The following BMPR2 variants were observed in gnomAD, a reference collection of about 807,000 sequenced individuals.
The protein encoded by BMPR2 is bone morphogenetic protein receptor type 2, also known as bone morphogenetic protein receptor type-2.
A neutral mutation model predicts 100.8 loss-of-function variants in BMPR2; 29 were observed. The ratio of observed to expected loss-of-function variants is 0.29; its 90% CI spans 0.21 to 0.39. The LOEUF is 0.39. BMPR2 is among the 10% of genes least tolerant of loss of function. The probability of loss-of-function intolerance (pLI) is 1.00; values close to 1 mark genes in which losing one functional copy is unlikely to be tolerated. For synonymous variants in BMPR2, 382 were observed against 442.3 expected, an observed-to-expected ratio of 0.86 and a Z score of 1.71; for missense variants, 1,011 against 1,274.5, an observed-to-expected ratio of 0.79 and a Z score of 3.15.
At chr2:202,464,245 G>C (rs1360591963) in intron 1 of BMPR2, among the ~76,000 whole-genome samples, 1 of 150,002 alleles carries the variant, frequency 6.7e-6, no homozygotes. Context: ...GAACAATTCA[G>C]TTATTTTTTT....
intron 1 of BMPR2, among the ~76,000 whole-genome samples, chr2:202,386,094 A>G (rs925823671): frequency 6.6e-6 from 1 of 151,942 alleles, no homozygotes; most frequent in Non-Finnish European, 1.5e-5. Context: ...TATGTCCCTG[A>G]TGGCTAAATG....
At chr2:202,418,492 C>T (rs1265092369) in intron 1 of BMPR2, among the ~76,000 whole-genome samples, 4 of 152,178 alleles carry the variant, frequency 2.6e-5, no homozygotes, top group African/African-American at 9.7e-5. Flanking sequence ...TGACACAGCC[C>T]TCAGGCAATC....
chr2:202,379,139 GC>G (rs1690218277), intron 1 of BMPR2, among the ~76,000 whole-genome samples: 1 of 152,022 alleles, frequency 6.6e-6, no homozygotes, highest in Non-Finnish European at 1.5e-5. Flanking sequence ...CTTTGGTATT[GC>G]ATAGCACCAG....
At chr2:202,478,729 G>A (rs1692598329) in intron 3 of BMPR2, among the ~76,000 whole-genome samples, 1 of 152,134 alleles carries the variant, frequency 6.6e-6, no homozygotes, top group Non-Finnish European at 1.5e-5. Flanking sequence ...GGGCAACATA[G>A]CAAAACCCCG....
At chr2:202,542,541 G>A (rs981196793) in intron 10 of BMPR2, 94 bp downstream of exon 10, 77 of 1,438,454 alleles carry the variant, frequency 5.4e-5, no homozygotes, top group Non-Finnish European at 7.0e-5. Flanking sequence ...AACGTTAATA[G>A]TTTTTGGAGT....
chr2:202,553,329 T>A (rs1688513447), intron 11 of BMPR2, among the ~76,000 whole-genome samples: 1 of 152,164 alleles, frequency 6.6e-6, no homozygotes, highest in Non-Finnish European at 1.5e-5. Flanking sequence ...TTTGTAGACT[T>A]CCTATCTAAT....
rs956213947 is a variant in BMPR2 at position 202,560,929 on chromosome 2, T to C, written c.*983T>C. 5.3e-5 allele frequency: 8 copies of C among 152,212 alleles called. No individual in the cohort carries two copies. Among genetic ancestry groups the C allele is most frequent in the African/African-American group, 1.7e-4 (7 of 41,464 alleles). The allele number at this position is 152,212 out of a possible 1,614,324, so 9.4% of individuals were successfully genotyped here. On this transcript the variant is annotated 3_prime_UTR_variant, in exon 13 of 13. Coordinates refer to ENST00000374580, the MANE Select transcript of BMPR2 (RefSeq NM_001204.7). ...TGGTAAGCTTATAGAGCTACACTTA[T>C]GGAATTTTTAAGTAGGTAAATAAAT...
At chr2:202,432,313 T>C (rs1259359085) in intron 1 of BMPR2, among the ~76,000 whole-genome samples, 1 of 150,842 alleles carries the variant, frequency 6.6e-6, no homozygotes, top group Non-Finnish European at 1.5e-5. Flanking sequence ...CAGGTAATGA[T>C]TTATTCCTTG....
intron 1 of BMPR2, among the ~76,000 whole-genome samples, chr2:202,412,167 T>G (rs1422220066): frequency 6.6e-6 from 1 of 152,200 alleles, no homozygotes; most frequent in Non-Finnish European, 1.5e-5. Context: ...AACACATGTA[T>G]TAGAGACACA....
chr2:202,465,197 G>A (rs1363836179), intron 2 of BMPR2, among the ~76,000 whole-genome samples: 2 of 151,978 alleles, frequency 1.3e-5, no homozygotes, highest in African/African-American at 4.8e-5. Flanking sequence ...ACCAGCCTGG[G>A]TAATAACATG....
chr2:202,402,771 A>G (rs749372289), intron 1 of BMPR2, among the ~76,000 whole-genome samples: 18 of 150,024 alleles, frequency 1.2e-4, no homozygotes, highest in Non-Finnish European at 2.1e-4. Flanking sequence ...GGTTCAAGCT[A>G]TTCTTATGCC....
intron 3 of BMPR2, among the ~76,000 whole-genome samples, chr2:202,497,066 G>A (rs559465219): frequency 8.5e-5 from 13 of 152,332 alleles, no homozygotes; most frequent in Middle Eastern, 3.4e-3. Context: ...CAGCGGCTGC[G>A]GGGGGTGCAC....
intron 9 of BMPR2, among the ~76,000 whole-genome samples, chr2:202,540,186 TAA>T (rs1195835092): frequency 1.3e-5 from 2 of 152,158 alleles, no homozygotes; most frequent in East Asian, 1.9e-4. Flanking sequence ...CCTAATTTTT[TAA>T]AAGAGTGAAA....
At chr2:202,520,522 C>T (rs1452314704) in intron 7 of BMPR2, 2 of 359,274 alleles carry the variant, frequency 5.6e-6, no homozygotes, top group Non-Finnish European at 1.0e-5. Context: ...GCAGTTTCTA[C>T]AGAAACAAGT....
At chr2:202,447,002 C>T (rs1335494061) in intron 1 of BMPR2, among the ~76,000 whole-genome samples, 1 of 149,222 alleles carries the variant, frequency 6.7e-6, no homozygotes, top group Non-Finnish European at 1.5e-5. Context: ...ACGGTCTTTC[C>T]CCTCTAAAAA....
At chr2:202,513,626 C>T in intron 3 of BMPR2, 93 bp from the exon 4 acceptor site, 1 of 834,658 alleles carries the variant, frequency 1.2e-6, no homozygotes, top group Non-Finnish European at 2.0e-6. Flanking sequence ...TTTGATTATA[C>T]ATGGGTACAG....
chr2:202,441,694 G>A (rs1691747837), intron 1 of BMPR2, among the ~76,000 whole-genome samples: 1 of 137,354 alleles, frequency 7.3e-6, no homozygotes, highest in Non-Finnish European at 1.5e-5. Context: ...CTCCAGCCTG[G>A]GCGACAGAGC....
In BMPR2 at chr2:202,555,569, C is replaced by T. The variant is rs1559074009; in HGVS notation, c.1904C>T (p.Pro635Leu). Residue 635 changes from proline to leucine, a missense_variant, in exon 12 of 13, where the codon CCA (proline) becomes CTA (leucine). Transcript: ENST00000374580. ...GMTTISEMPYPDETNLHTTNV... is the reference protein window; with the variant it reads ...GMTTISEMPYLDETNLHTTNV... ...ACTACTATATCTGAGATGCCATACC[C>T]AGATGAAACAAATCTGCATACCACA... 1.2e-6 allele frequency: 2 copies of T among 1,614,088 alleles called. No individual in the cohort carries two copies. Among genetic ancestry groups the T allele is most frequent in the South Asian group, 1.1e-5 (1 of 91,078 alleles).
intron 3 of BMPR2, among the ~76,000 whole-genome samples, chr2:202,494,378 A>G (rs1415610770): frequency 1.3e-5 from 2 of 152,224 alleles, no homozygotes; most frequent in East Asian, 3.8e-4. Context: ...TGCACATGTT[A>G]CAATGTTGTT....
Sources: allele counts gnomAD v4.1 joint callset (sites outside exome capture counted in the v4.1 genomes callset), GRCh38; gene constraint gnomAD v4.1.1; transcripts MANE v1.5; gene names NCBI Gene and HGNC (gene_info 2026-07-23, HGNC 2026-07-21).